TMPRSS4: variants seen among roughly 807,000 people sequenced by gnomAD.
The protein encoded by TMPRSS4 is transmembrane protease serine 4.
TMPRSS4 carries 45 observed loss-of-function variants against 56.4 expected under a neutral mutation model. The ratio of observed to expected loss-of-function variants is 0.80; its 90% CI spans 0.63 to 1.02. TMPRSS4 has a LOEUF of 1.02. Among genes scored for constraint, TMPRSS4 ranks in the 50% least tolerant of loss-of-function variants. TMPRSS4 has a pLI of 0.00. For missense variants in TMPRSS4, 546 were observed against 556.7 expected (o/e 0.98, Z 0.19); for synonymous variants, 205 against 211.0 (o/e 0.97, Z 0.25).
intron 1 of TMPRSS4, among the ~76,000 whole-genome samples, chr11:118,092,532 G>A (rs1305722603): frequency 6.6e-6 from 1 of 152,234 alleles, no homozygotes; most frequent in Non-Finnish European, 1.5e-5. Flanking sequence ...TCAGGTGCAG[G>A]GTCTGCAAAA....
intron 3 of TMPRSS4, 56 bp from the exon 4 acceptor site, chr11:118,103,045 C>T (rs1946798325): frequency 6.3e-7 from 1 of 1,595,514 alleles, no homozygotes; most frequent in Non-Finnish European, 8.6e-7. Flanking sequence ...CCCAGCGTCT[C>T]CCTGCTCAAG....
chr11:118,099,086 G>A lies in TMPRSS4; in HGVS notation c.145G>A (p.Val49Met). 1 of 1,613,794 alleles carries A rather than the reference G, an allele frequency of 6.2e-7. No homozygotes were observed. Among genetic ancestry groups the A allele is most frequent in the Non-Finnish European group, 8.5e-7 (1 of 1,179,900 alleles). ...ACTGAGCCTGGCGAGTATCATCATT[G>A]TGGTTGTCCTCAGTAAGTGACAGCC... ...ALLSLASIIIVVVLIKVILDK... is the reference protein window; with the variant it reads ...ALLSLASIIIMVVLIKVILDK... The change falls in exon 3 of 13, where the codon GTG (valine) becomes ATG (methionine). Residue 49 changes from valine (V) to methionine (M), a missense_variant. Transcript: ENST00000437212.
downstream of TMPRSS4, among the ~76,000 whole-genome samples, chr11:118,124,877 T>G (rs367583041): frequency 4.6e-5 from 7 of 152,210 alleles, no homozygotes; most frequent in African/African-American, 1.7e-4. Context: ...CTCCCTTCAA[T>G]TTCCGCTCAG....
chr11:118,077,740 A>G (rs1443620827), intron 1 of TMPRSS4, among the ~76,000 whole-genome samples: 1 of 151,824 alleles, frequency 6.6e-6, no homozygotes, highest in African/African-American at 2.4e-5. Context: ...GACTGGGTGC[A>G]GTGGCTCACG....
Position 118,118,265 on chromosome 11 carries a change from G to A in TMPRSS4, c.*352G>A. ...CTTGTAAAAGCCCAGATCACTGTGGGCTGGAGAGGAGAAGGAAAGGGTCTG... is the reference window on the plus strand; with the variant it reads ...CTTGTAAAAGCCCAGATCACTGTGGACTGGAGAGGAGAAGGAAAGGGTCTG... On this transcript the variant is annotated 3_prime_UTR_variant, in exon 13 of 13. Coordinates refer to ENST00000437212, the MANE Select transcript of TMPRSS4 (RefSeq NM_019894.4). The A allele has an allele frequency of 8.4e-7, 1 of 1,191,018 alleles. No individual in the cohort carries two copies. Among genetic ancestry groups the A allele is most frequent in the South Asian group, 2.8e-5 (1 of 35,400 alleles). The allele number at this position is 1,191,018 out of a possible 1,614,324, so 73.8% of individuals were successfully genotyped here.
chr11:118,083,837 G>C (rs1222003613), intron 1 of TMPRSS4, among the ~76,000 whole-genome samples: 3 of 152,098 alleles, frequency 2.0e-5, no homozygotes, highest in Non-Finnish European at 4.4e-5. Context: ...CAGATCACAT[G>C]AGGTCAGGAG....
intron 3 of TMPRSS4, among the ~76,000 whole-genome samples, chr11:118,099,669 A>C (rs1401338064): frequency 6.6e-6 from 1 of 151,852 alleles, no homozygotes; most frequent in Non-Finnish European, 1.5e-5. Flanking sequence ...CAGGGCTGCC[A>C]CGCCCCCTGC....
At position 118,115,217 on chromosome 11, in the gene TMPRSS4, G is replaced by A. The variant is rs962273744; in HGVS notation, c.1089G>A (p.Gln363=). ...STRCNADDAY[Q]GEVTEKMMCA... Reference sequence around the variant, plus strand: ...GGTGCAATGCAGACGATGCGTACCAGGGGGAAGTCACCGAGAAGATGATGT... The same window carrying A: ...GGTGCAATGCAGACGATGCGTACCAAGGGGAAGTCACCGAGAAGATGATGT... The change falls in exon 11 of 13, where the codon CAG becomes CAA. Residue 363 remains glutamine, a synonymous_variant. Coordinates refer to ENST00000437212, the MANE Select transcript of TMPRSS4 (RefSeq NM_019894.4). The A allele has an allele frequency of 2.5e-6, 4 of 1,613,050 alleles. No individual in the cohort carries two copies. The highest frequency in any genetic ancestry group is 3.4e-6 in the Non-Finnish European group (4 of 1,179,898).
Position 118,117,299 on chromosome 11 carries a change from T to A in TMPRSS4, c.1153-6T>A. 2 of 1,614,030 alleles carry A rather than the reference T, an allele frequency of 1.2e-6. No homozygotes were observed. Among genetic ancestry groups the A allele is most frequent in the Non-Finnish European group, 1.7e-6 (2 of 1,180,010 alleles). Reference sequence around the variant, plus strand: ...CCCCAGCAGTCTCTGTTCTGGTCTCTCACAGGGTGACAGTGGTGGGCCCCT... The same window carrying A: ...CCCCAGCAGTCTCTGTTCTGGTCTCACACAGGGTGACAGTGGTGGGCCCCT... On this transcript the variant is annotated splice_polypyrimidine_tract_variant and splice_region_variant and intron_variant, in intron 11 of 12. Coordinates refer to ENST00000437212, the MANE Select transcript of TMPRSS4 (RefSeq NM_019894.4).
downstream of TMPRSS4, among the ~76,000 whole-genome samples, chr11:118,123,305 T>C (rs1230762350): frequency 2.0e-5 from 3 of 152,212 alleles, no homozygotes; most frequent in Non-Finnish European, 4.4e-5. Flanking sequence ...TACACCTTCA[T>C]GTTGCATCAT....
intron 1 of TMPRSS4, among the ~76,000 whole-genome samples, chr11:118,090,643 T>C (rs1332068946): frequency 6.8e-6 from 1 of 147,568 alleles, no homozygotes; most frequent in African/African-American, 2.5e-5. Context: ...CTGGGCGTGA[T>C]GGTGCATGCC....
rs146553993 is a variant in TMPRSS4, at chr11:118,117,885, G to C, written c.1303-17G>C. ...CAGATAATCTGACTTTCTCTTCATC[G>C]GTCTCTCTTATTCTAGGCTGAGCTG... On this transcript the variant is annotated splice_polypyrimidine_tract_variant and intron_variant, in intron 12 of 12. Transcript: ENST00000437212. 7 of 1,613,806 alleles carry C rather than the reference G, an allele frequency of 4.3e-6. No individual in the cohort carries two copies. The highest frequency in any genetic ancestry group is 3.4e-4 in the Middle Eastern group (2 of 5,846).
rs368216133 is a variant in TMPRSS4 at position 118,077,297 on chromosome 11, G to A, written c.-6G>A. The A allele has an allele frequency of 1.9e-6, 3 of 1,602,464 alleles. No individual in the cohort carries two copies. The highest frequency in any genetic ancestry group is 2.6e-6 in the Non-Finnish European group (3 of 1,174,624). On this transcript the variant is annotated 5_prime_UTR_variant, in exon 1 of 13. Transcript: ENST00000437212. Reference sequence around the variant, plus strand: ...ACAGGGAGACCGGGAGGATCACAGAGCCAGCATGGTGAGTGTGGGGCCCTC... The same window carrying A: ...ACAGGGAGACCGGGAGGATCACAGAACCAGCATGGTGAGTGTGGGGCCCTC...
At chr11:118,104,082 T>C (rs769282502) in intron 4 of TMPRSS4, among the ~76,000 whole-genome samples, 1 of 152,122 alleles carries the variant, frequency 6.6e-6, no homozygotes, top group African/African-American at 2.4e-5. Context: ...TTCTTCCCCC[T>C]GGTGCTTGGG....
At chr11:118,077,443 C>G (rs1174837496) in intron 1 of TMPRSS4, 138 bp downstream of exon 1, 1 of 1,001,790 alleles carries the variant, frequency 1.0e-6, no homozygotes, top group Admixed American at 2.9e-5. Flanking sequence ...ACACCCAAAT[C>G]CCCTCACACC....
At chr11:118,103,857 G>T (rs1224687053) in intron 4 of TMPRSS4, among the ~76,000 whole-genome samples, 1 of 152,204 alleles carries the variant, frequency 6.6e-6, no homozygotes, top group African/African-American at 2.4e-5. Flanking sequence ...GGGCTAGACT[G>T]GGTGACCTTG....
At chr11:118,091,245 C>T (rs974292065) in intron 1 of TMPRSS4, among the ~76,000 whole-genome samples, 3 of 152,196 alleles carry the variant, frequency 2.0e-5, no homozygotes, top group Non-Finnish European at 4.4e-5. Context: ...CTCCTCTCTC[C>T]TTATGCCCTT....
chr11:118,084,067 C>T (rs1388953240), intron 1 of TMPRSS4, among the ~76,000 whole-genome samples: 1 of 152,146 alleles, frequency 6.6e-6, no homozygotes, highest in Non-Finnish European at 1.5e-5. Context: ...AATTATCGTA[C>T]TCTTACCGTG....
chr11:118,090,960 G>T (rs1427662001), intron 1 of TMPRSS4, among the ~76,000 whole-genome samples: 2 of 152,050 alleles, frequency 1.3e-5, no homozygotes, highest in Non-Finnish European at 2.9e-5. Flanking sequence ...CATCAAAGTT[G>T]TATAGTCAAT....
Sources: gnomAD v4.1 joint callset for allele counts (sites outside exome capture counted in the v4.1 genomes callset) on GRCh38, gnomAD v4.1.1 for gene constraint, MANE v1.5 for transcripts, NCBI Gene and HGNC (gene_info 2026-07-23, HGNC 2026-07-21) for gene names.